The following TSBP1 variants were observed in gnomAD, a reference collection of about 807,000 sequenced individuals.
TSBP1 encodes the protein testis expressed basic protein 1, also known as testis-expressed basic protein 1.
A neutral mutation model predicts 68.8 loss-of-function variants in TSBP1; 56 were observed. That is an observed-to-expected ratio of 0.81 (90% CI 0.66 to 1.02). The LOEUF (loss-of-function observed/expected upper bound fraction) is 1.02, where lower values mean the gene tolerates loss of function less well. TSBP1 is among the 50% of genes least tolerant of loss of function. The pLI is 0.00. For synonymous variants in TSBP1, 171 were observed against 208.7 expected, an observed-to-expected ratio of 0.82 and a Z score of 1.56; for missense variants, 502 against 641.2, an observed-to-expected ratio of 0.78 and a Z score of 2.34.
At chr6:32,299,802 A>G (rs1335817929) in intron 22 of TSBP1, 120 bp downstream of exon 25, 1 of 789,434 alleles carries the variant, frequency 1.3e-6, no homozygotes, top group African/African-American at 1.7e-5. Flanking sequence ...TCTGGAAGAT[A>G]GGAACATTCA....
Position 32,336,736 on chromosome 6 carries a change from G to T in TSBP1, c.410-101C>A. ...ACTATGAAGCAATTCAACCAGAGGA[G>T]AACAACTACTGTGGGACTGCAGATG... On this transcript the variant is annotated intron_variant, in intron 11 of 22. Transcript: ENST00000612031. The surrounding 1 kb of genome is among the most constrained non-coding windows in gnomAD (Gnocchi z 5.2). 1 of 1,044,710 alleles carries T rather than the reference G, an allele frequency of 9.6e-7. No homozygotes were observed. The highest frequency in any genetic ancestry group is 1.5e-6 in the Non-Finnish European group (1 of 680,042). The allele number at this position is 1,044,710 out of a possible 1,614,324, so 64.7% of individuals were successfully genotyped here. A position where few individuals can be genotyped will look rare whatever the true frequency, so the allele number is the denominator to read the frequency against.
At chr6:32,342,178 T>G (rs1770450486) in intron 9 of TSBP1, among the ~76,000 whole-genome samples, 1 of 151,850 alleles carries the variant, frequency 6.6e-6, no homozygotes, top group Non-Finnish European at 1.5e-5. Flanking sequence ...TCTTTTTTTT[T>G]TTTTGAGATG....
intron 9 of TSBP1, among the ~76,000 whole-genome samples, chr6:32,345,462 C>G (rs2127620356): frequency 6.6e-6 from 1 of 151,512 alleles, no homozygotes; most frequent in East Asian, 1.9e-4. Flanking sequence ...AATGGGCCAT[C>G]AACTACTAGA....
At position 32,294,889 on chromosome 6, in the gene TSBP1, G is replaced by A. The variant is rs567007086; in HGVS notation, c.638-854C>T. On this transcript the variant is annotated intron_variant, in intron 22 of 22. Transcript: ENST00000612031. Reference sequence around the variant, plus strand: ...TTTTATTTGCTTTTGTTTTTTTTAAGTAATATGGTTCCCTGAATTAAGTAA... The same window carrying A: ...TTTTATTTGCTTTTGTTTTTTTTAAATAATATGGTTCCCTGAATTAAGTAA... 6.9e-4 allele frequency among the ~76,000 whole-genome samples: 103 copies of A among 150,306 alleles called. No homozygotes were observed. In the Middle Eastern group the frequency reaches 0.01, roughly 15 times the overall value.
In TSBP1 at chr6:32,335,922, T is replaced by C; in HGVS notation, c.441A>G (p.Thr147=). Residue 147 remains threonine, a synonymous_variant, in exon 13 of 23, where the codon ACA becomes ACG. Transcript: ENST00000612031. The surrounding 1 kb of genome is among the most constrained non-coding windows in gnomAD (Gnocchi z 5.5). The stretch of plus-strand genomic sequence containing the variant: ...AGAGAGCAAACTTACTGATAGGTCC[T>C]GTAGCTCCGGCTGTGAGAGAGAAAG... 6.2e-7 allele frequency: 1 copy of C among 1,609,504 alleles called. No individual in the cohort carries two copies. The highest frequency in any genetic ancestry group is 1.1e-5 in the South Asian group (1 of 91,012).
At chr6:32,359,063 C>T (rs1469542355) in intron 6 of TSBP1, among the ~76,000 whole-genome samples, 2 of 122,812 alleles carry the variant, frequency 1.6e-5, no homozygotes, top group Non-Finnish European at 3.4e-5. Context: ...TGCTATCCCT[C>T]CCCCCTCCCC....
chr6:32,328,340 T>C (rs7451361), intron 16 of TSBP1, among the ~76,000 whole-genome samples: 116,572 of 151,664 alleles, frequency 0.77, 45,065 homozygotes, highest in South Asian at 0.89. Flanking sequence ...CTCCACCTCC[T>C]GGGTTCAAGC....
chr6:32,328,434 T>C (rs1410839791), intron 16 of TSBP1, among the ~76,000 whole-genome samples: 4 of 147,172 alleles, frequency 2.7e-5, no homozygotes, highest in Non-Finnish European at 1.5e-5. Context: ...TTTTTTTTTT[T>C]AGACAGAGTC....
At position 32,316,342 on chromosome 6, in the gene TSBP1, A is replaced by G; in HGVS notation, c.560-550T>C. 1.4e-6 allele frequency: 2 copies of G among 1,467,220 alleles called. No individual in the cohort carries two copies. The highest frequency in any genetic ancestry group is 1.2e-5 in the South Asian group (1 of 83,052). 90.9% of individuals were successfully genotyped at this position (1,467,220 alleles called of 1,614,324 possible). A position where few individuals can be genotyped will look rare whatever the true frequency, so the allele number is the denominator to read the frequency against. On this transcript the variant is annotated intron_variant, in intron 18 of 22. Coordinates refer to ENST00000612031, the Ensembl canonical transcript of TSBP1. This position sits in a 1 kb window ranked among gnomAD's most constrained non-coding sequence, Gnocchi z 4.5. ...ACCACAAATCACTTTGACAGAAGTG[A>G]AGTGAAGGGGACCAAAGAGAACCAA... is the stretch of plus-strand genomic sequence containing the variant.
At chr6:32,345,960 C>A (rs1033971975) in intron 9 of TSBP1, among the ~76,000 whole-genome samples, 2 of 152,144 alleles carry the variant, frequency 1.3e-5, no homozygotes, top group African/African-American at 4.8e-5. Context: ...TAACTAATTA[C>A]TCATCATCCT....
chr6:32,352,293 T>A (rs1193554161), intron 8 of TSBP1, among the ~76,000 whole-genome samples: 1 of 151,668 alleles, frequency 6.6e-6, no homozygotes, highest in Non-Finnish European at 1.5e-5. Flanking sequence ...TTGGAAAGAG[T>A]AGTTTGGAGG....
chr6:32,325,159 C>T lies in TSBP1; in HGVS notation c.515-1545G>A. ...AAACTTATTAATAATTTATTTATGC[C>T]TTTCTGCCCATGGATGCCATGGAAG... is the stretch of plus-strand genomic sequence containing the variant. On this transcript the variant is annotated intron_variant, in intron 16 of 22. Transcript: ENST00000612031. The surrounding 1 kb of genome is among the most constrained non-coding windows in gnomAD (Gnocchi z 4.4). 5.8e-6 allele frequency: 3 copies of T among 514,334 alleles called. No individual in the cohort carries two copies. Among genetic ancestry groups the T allele is most frequent in the Non-Finnish European group, 6.8e-6 (2 of 293,254 alleles). The allele number at this position is 514,334 out of a possible 1,614,324, so 31.9% of individuals were successfully genotyped here. A position where few individuals can be genotyped will look rare whatever the true frequency, so the allele number is the denominator to read the frequency against.
intron 1 of TSBP1, among the ~76,000 whole-genome samples, chr6:32,371,100 CA>C (rs777145391): frequency 3.3e-5 from 5 of 152,096 alleles, no homozygotes; most frequent in Non-Finnish European, 7.4e-5. Flanking sequence ...ATTCTCCTGC[CA>C]AATCAACTTT....
chr6:32,336,098 A>G lies in TSBP1; in HGVS notation c.431-166T>C, dbSNP rs562560215. 6.6e-6 allele frequency among the ~76,000 whole-genome samples: 1 copy of G among 152,340 alleles called. No individual in the cohort carries two copies. Among genetic ancestry groups the G allele is most frequent in the East Asian group, 1.9e-4 (1 of 5,182 alleles). ...GCCTCAGGCAGGCTCCCTGCACAAT[A>G]TAAGGGACCTACAGGAATGGAGGCC... is the stretch of plus-strand genomic sequence containing the variant. On this transcript the variant is annotated intron_variant, in intron 12 of 22. Transcript: ENST00000612031. The surrounding 1 kb of genome is among the most constrained non-coding windows in gnomAD (Gnocchi z 5.2).
In TSBP1 at chr6:32,346,941, G is replaced by A. The variant is rs147090433; in HGVS notation, c.349+2799C>T. Among the ~76,000 whole-genome samples, 1,080 of 152,200 alleles carry A rather than the reference G, an allele frequency of 7.1e-3. 8 individuals carry two copies. Among genetic ancestry groups the A allele is most frequent in the Middle Eastern group, 0.065 (19 of 294 alleles). On this transcript the variant is annotated intron_variant, in intron 9 of 22. Coordinates refer to ENST00000612031, the Ensembl canonical transcript of TSBP1. Reference sequence around the variant, plus strand: ...AGATCTATTGTATAACATGGTGATCGTAGTTAATAATGTGTTATATTTGAC... The same window carrying A: ...AGATCTATTGTATAACATGGTGATCATAGTTAATAATGTGTTATATTTGAC...
At chr6:32,323,308 A>T in intron 17 of TSBP1, 171 bp from the exon 19 acceptor site, 1 of 656,150 alleles carries the variant, frequency 1.5e-6, no homozygotes. Context: ...ATCTCTTACA[A>T]AGGGATTGGT....
chr6:32,368,963 C>T (rs1269536403), intron 2 of TSBP1, 149 bp from the exon 3 acceptor site: 3 of 918,780 alleles, frequency 3.3e-6, no homozygotes, highest in East Asian at 6.0e-5. Flanking sequence ...CCATTTTCCA[C>T]ATCTCCCATC....
Position 32,306,497 on chromosome 6 carries a change from C to T in TSBP1, c.581-3868G>A, listed in dbSNP as rs899490332. On this transcript the variant is annotated intron_variant, in intron 19 of 22. Coordinates refer to ENST00000612031, the Ensembl canonical transcript of TSBP1. This position sits in a 1 kb window ranked among gnomAD's most constrained non-coding sequence, Gnocchi z 5.1. ...TGACTCTCCAATATAATCTGCTTTT[C>T]ATCCCACCAACCCTTGTCTCTCATG... Among the ~76,000 whole-genome samples the T allele has an allele frequency of 1.3e-5, 2 of 152,174 alleles. No homozygotes were observed. Among genetic ancestry groups the T allele is most frequent in the Non-Finnish European group, 2.9e-5 (2 of 68,026 alleles).
At chr6:32,356,114 A>G (rs1274040039) in intron 6 of TSBP1, among the ~76,000 whole-genome samples, 1 of 152,248 alleles carries the variant, frequency 6.6e-6, no homozygotes, top group Non-Finnish European at 1.5e-5. Context: ...CAGACTTTCT[A>G]AAAGATCTGG....
Sources: allele counts gnomAD v4.1 joint callset (sites outside exome capture counted in the v4.1 genomes callset), GRCh38; gene constraint gnomAD v4.1.1; non-coding constraint Gnocchi (gnomAD v3.1); transcripts MANE v1.5; gene names NCBI Gene and HGNC (gene_info 2026-07-23, HGNC 2026-07-21).